Variants in PLXNA4 observed in about 807,000 individuals in gnomAD.
PLXNA4 encodes plexin-A4.
A neutral mutation model predicts 191.8 loss-of-function variants in PLXNA4; 44 were observed. That is an observed-to-expected ratio of 0.23 (90% CI 0.18 to 0.29). The LOEUF (loss-of-function observed/expected upper bound fraction) is 0.29, where lower values mean the gene tolerates loss of function less well. Among genes scored for constraint, PLXNA4 ranks in the 10% least tolerant of loss-of-function variants. The probability of loss-of-function intolerance (pLI) is 1.00; values close to 1 mark genes in which losing one functional copy is unlikely to be tolerated. For synonymous variants in PLXNA4, 1,082 were observed against 1,009.5 expected (o/e 1.07, Z -1.36); for missense variants, 1,800 against 2,488.8 (o/e 0.72, Z 5.89).
chr7:132,225,744 C>T (rs995563600), intron 8 of PLXNA4, among the ~76,000 whole-genome samples: 1 of 152,214 alleles, frequency 6.6e-6, no homozygotes, highest in Non-Finnish European at 1.5e-5. Flanking sequence ...TGGACACACA[C>T]TGGGGCTTCT....
chr7:132,435,560 C>A (rs1412586558), intron 3 of PLXNA4, among the ~76,000 whole-genome samples: 1 of 152,100 alleles, frequency 6.6e-6, no homozygotes, highest in Non-Finnish European at 1.5e-5. Context: ...TGAGAAAGAA[C>A]AATGAGGAGT....
At chr7:132,229,123 T>C (rs1798436488) in intron 5 of PLXNA4, among the ~76,000 whole-genome samples, 1 of 152,174 alleles carries the variant, frequency 6.6e-6, no homozygotes, top group African/African-American at 2.4e-5. Flanking sequence ...AGCAGCTATG[T>C]TCCATTTATT....
At chr7:132,566,958 A>G (rs1801755792) in intron 1 of PLXNA4, among the ~76,000 whole-genome samples, 1 of 151,978 alleles carries the variant, frequency 6.6e-6, no homozygotes, top group African/African-American at 2.4e-5. Flanking sequence ...TGGTTTTTTC[A>G]CCTCTGAAGT....
intron 3 of PLXNA4, among the ~76,000 whole-genome samples, chr7:132,392,693 C>G (rs1793553922): frequency 6.6e-6 from 1 of 152,228 alleles, no homozygotes; most frequent in Non-Finnish European, 1.5e-5. Context: ...TGGCAACAGC[C>G]AGGCTTCAGC....
intron 4 of PLXNA4, among the ~76,000 whole-genome samples, chr7:132,280,458 C>T (rs2116390851): frequency 6.6e-6 from 1 of 152,334 alleles, no homozygotes; most frequent in East Asian, 1.9e-4. Flanking sequence ...GCTCCATAGT[C>T]ATTCTGGCCA....
At chr7:132,250,606 C>A (rs998202869) in intron 4 of PLXNA4, among the ~76,000 whole-genome samples, 2 of 152,112 alleles carry the variant, frequency 1.3e-5, no homozygotes, top group Non-Finnish European at 2.9e-5. Flanking sequence ...TGCGGGGTTG[C>A]AATGTGTGAG....
intron 1 of PLXNA4, among the ~76,000 whole-genome samples, chr7:132,540,748 C>T (rs1246620574): frequency 7.3e-5 from 11 of 150,006 alleles, no homozygotes; most frequent in East Asian, 2.0e-4. Flanking sequence ...CCACCGCGCC[C>T]GGCTAATTTT....
intron 5 of PLXNA4, among the ~76,000 whole-genome samples, chr7:132,235,194 G>A (rs571794521): frequency 9.2e-5 from 14 of 152,224 alleles, no homozygotes; most frequent in Non-Finnish European, 1.8e-4. Flanking sequence ...TCCAACTCCA[G>A]CCTCTGCTCC....
chr7:132,507,147 G>A (rs1332322623), intron 2 of PLXNA4, among the ~76,000 whole-genome samples: 1 of 152,040 alleles, frequency 6.6e-6, no homozygotes, highest in East Asian at 1.9e-4. Flanking sequence ...TACGTGTCTT[G>A]CACTACAGCA....
intron 9 of PLXNA4, among the ~76,000 whole-genome samples, chr7:132,218,254 A>G (rs1445457593): frequency 6.6e-6 from 1 of 151,800 alleles, no homozygotes; most frequent in African/African-American, 2.4e-5. Context: ...GTATTAGGGG[A>G]TGTTGGGAGA....
At chr7:132,334,968 G>C (rs1002851324) in intron 3 of PLXNA4, among the ~76,000 whole-genome samples, 3 of 152,212 alleles carry the variant, frequency 2.0e-5, no homozygotes, top group African/African-American at 7.2e-5. Context: ...TACATTGACA[G>C]GTTAATATTT....
chr7:132,337,730 A>G (rs1802874760), intron 3 of PLXNA4, among the ~76,000 whole-genome samples: 1 of 152,252 alleles, frequency 6.6e-6, no homozygotes, highest in Admixed American at 6.5e-5. Flanking sequence ...GTTCAAAAAA[A>G]GAGCAGGGCA....
intron 4 of PLXNA4, among the ~76,000 whole-genome samples, chr7:132,259,065 C>A (rs1470118848): frequency 6.6e-6 from 1 of 152,140 alleles, no homozygotes; most frequent in Admixed American, 6.5e-5. Context: ...TAGGAGCATT[C>A]TTTACATCTC....
chr7:132,481,439 G>C (rs954795247), intron 3 of PLXNA4, among the ~76,000 whole-genome samples: 11 of 152,030 alleles, frequency 7.2e-5, no homozygotes, highest in Non-Finnish European at 1.3e-4. Flanking sequence ...CCTCGGATTA[G>C]ACCGTGTGAC....
At chr7:132,480,809 G>T (rs1563123643) in intron 3 of PLXNA4, among the ~76,000 whole-genome samples, 1 of 152,296 alleles carries the variant, frequency 6.6e-6, no homozygotes, top group African/African-American at 2.4e-5. Context: ...GAAGGAAATT[G>T]CCCGTGGAGG....
At chr7:132,202,952 G>GCC in intron 11 of PLXNA4, 116 bp from the exon 12 acceptor site, 1 of 1,131,052 alleles carries the variant, frequency 8.8e-7, no homozygotes, top group Non-Finnish European at 1.2e-6. Context: ...CACAAAGGCA[G>GCC]TTTTGCCCCC....
At chr7:132,547,602 T>A (rs1585313744) in intron 1 of PLXNA4, among the ~76,000 whole-genome samples, 1 of 151,810 alleles carries the variant, frequency 6.6e-6, no homozygotes, top group African/African-American at 2.4e-5. Flanking sequence ...CCTGGTGGGG[T>A]GCAGAACTAT....
At chr7:132,531,614 T>G (rs1000652281) in intron 1 of PLXNA4, among the ~76,000 whole-genome samples, 3 of 152,074 alleles carry the variant, frequency 2.0e-5, no homozygotes, top group Non-Finnish European at 1.5e-5. Context: ...GACTGCCAGG[T>G]GATTCTGAGG....
chr7:132,215,593 T>A (rs1291493404), intron 9 of PLXNA4, among the ~76,000 whole-genome samples: 1 of 152,072 alleles, frequency 6.6e-6, no homozygotes, highest in African/African-American at 2.4e-5. Context: ...GGGGGTATGT[T>A]GCCAGAGGAT....
Sources: allele counts gnomAD v4.1 joint callset (sites outside exome capture counted in the v4.1 genomes callset), GRCh38; gene constraint gnomAD v4.1.1; transcripts MANE v1.5; gene names NCBI Gene and HGNC (gene_info 2026-07-23, HGNC 2026-07-21).